The following TPD52L2 variants were observed in gnomAD, a reference collection of about 807,000 sequenced individuals.
TPD52L2 encodes tumor protein D54.
Under a neutral mutation model 24.7 loss-of-function variants are expected in TPD52L2, and 19 were observed. The ratio of observed to expected loss-of-function variants is 0.77; its 90% confidence interval spans 0.54 to 1.13. The LOEUF (loss-of-function observed/expected upper bound fraction) is 1.13. Ranked by LOEUF, TPD52L2 falls within the 50% of genes most tolerant of loss-of-function variation. The pLI, the probability that TPD52L2 is intolerant of heterozygous loss-of-function variation, is 0.00. For synonymous variants in TPD52L2, 104 were observed against 100.2 expected (o/e 1.04, Z -0.23); for missense variants, 236 against 250.4 (o/e 0.94, Z 0.39).
intron 1 of TPD52L2, among the ~76,000 whole-genome samples, chr20:63,867,695 CT>C (rs755978259): frequency 3.3e-5 from 5 of 151,904 alleles, no homozygotes; most frequent in Non-Finnish European, 7.4e-5. Flanking sequence ...ATGCAGCCAG[CT>C]TTTAAGAAGA....
At chr20:63,867,025 C>A (rs1426169246) in intron 1 of TPD52L2, among the ~76,000 whole-genome samples, 2 of 151,160 alleles carry the variant, frequency 1.3e-5, no homozygotes, top group South Asian at 4.2e-4. Flanking sequence ...GCGATCATGG[C>A]TTCCCGCAAC....
At chr20:63,868,948 AG>A (rs2146176896) in intron 1 of TPD52L2, among the ~76,000 whole-genome samples, 1 of 152,128 alleles carries the variant, frequency 6.6e-6, no homozygotes, top group East Asian at 1.9e-4. Context: ...CAAAAAAAAA[AG>A]GTGGAAGGTC....
At position 63,874,228 on chromosome 20, in the gene TPD52L2, T is replaced by TTGTGTGTGTGTGTG. The variant is rs547406712; in HGVS notation, c.314+428_314+441dup. ...CACCGCGCCCGGCTGATTTTTTTTT[T>TTGTGTGTGTGTGTG]TGTGTGTGTGTGTGTGTGTGTGTGT... On this transcript the variant is annotated intron_variant, in intron 3 of 6. Coordinates refer to ENST00000346249, the MANE Select transcript of TPD52L2 (RefSeq NM_003288.4). 1.7e-4 allele frequency among the ~76,000 whole-genome samples: 24 copies of TTGTGTGTGTGTGTG among 139,956 alleles called. No individual in the cohort carries two copies. In the Admixed American group the frequency reaches 1.7e-3, roughly 10 times the overall value. 91.8% of individuals were successfully genotyped at this position (139,956 alleles called of 152,430 possible). A position where few individuals can be genotyped will look rare whatever the true frequency, so the allele number is the denominator to read the frequency against.
At chr20:63,868,839 G>A (rs542564011) in intron 1 of TPD52L2, among the ~76,000 whole-genome samples, 5 of 152,270 alleles carry the variant, frequency 3.3e-5, no homozygotes, top group South Asian at 4.1e-4. Context: ...CTACTCGAAG[G>A]CTGAGACAGG....
At chr20:63,865,551 G>C (rs1336847207) in intron 1 of TPD52L2, among the ~76,000 whole-genome samples, 167 bp downstream of exon 1, 1 of 151,990 alleles carries the variant, frequency 6.6e-6, no homozygotes, top group Non-Finnish European at 1.5e-5. Context: ...TATGATGGTC[G>C]TGGTGTGTTT....
rs1473948992 is a variant in TPD52L2, at chr20:63,887,425, G to T, written c.477-1765G>T. The T allele has an allele frequency of 1.8e-5, 17 of 963,404 alleles. No individual in the cohort carries two copies. The African/African-American group carries it at 2.6e-4, about 14-fold the overall frequency. 59.7% of individuals were successfully genotyped at this position (963,404 alleles called of 1,614,324 possible). A position where few individuals can be genotyped will look rare whatever the true frequency, so the allele number is the denominator to read the frequency against. On this transcript the variant is annotated intron_variant, in intron 5 of 6. Coordinates refer to ENST00000346249, the MANE Select transcript of TPD52L2 (RefSeq NM_003288.4). ...GTCGAGTTTCCTTCGGGGGCATTGTGTGGAGGGGCAGGCAGCTCGCTCCAA... is the reference window on the plus strand; with the variant it reads ...GTCGAGTTTCCTTCGGGGGCATTGTTTGGAGGGGCAGGCAGCTCGCTCCAA...
At chr20:63,884,726 G>C (rs2053032274) in intron 5 of TPD52L2, among the ~76,000 whole-genome samples, 1 of 152,194 alleles carries the variant, frequency 6.6e-6, no homozygotes, top group Admixed American at 6.5e-5. Flanking sequence ...AGTGACGCTG[G>C]CACAGCTGTC....
chr20:63,884,261 C>T (rs76057319), intron 5 of TPD52L2, among the ~76,000 whole-genome samples: 8,112 of 152,232 alleles, frequency 0.053, 294 homozygotes, highest in Non-Finnish European at 0.078. Flanking sequence ...GCTTTGGACC[C>T]AGGAGGGACC....
intron 1 of TPD52L2, among the ~76,000 whole-genome samples, chr20:63,867,563 TAA>T (rs777112231): frequency 1.3e-4 from 18 of 137,002 alleles, no homozygotes; most frequent in African/African-American, 1.3e-4. Flanking sequence ...AAGACTCGTC[TAA>T]AAAAAAAAAA....
chr20:63,887,435 A>T, intron 5 of TPD52L2: 1 of 1,018,050 alleles, frequency 9.8e-7, no homozygotes, highest in Non-Finnish European at 1.5e-6. Flanking sequence ...GTGGAGGGGC[A>T]GGCAGCTCGC....
intron 4 of TPD52L2, among the ~76,000 whole-genome samples, chr20:63,881,943 C>T (rs145020045): frequency 6.8e-4 from 104 of 152,344 alleles, no homozygotes; most frequent in African/African-American, 2.2e-3. Context: ...GCCTGTCCTG[C>T]AGACGCCAAG....
rs1164261089 is a variant in TPD52L2 at position 63,882,759 on chromosome 20, A to G, written c.415A>G (p.Lys139Glu). Residue 139 changes from lysine to glutamate, a missense_variant, in exon 5 of 7, where the codon AAG (lysine) becomes GAG (glutamate). Physicochemically the swap from Lys to Glu is moderately conservative, Grantham distance 56. Transcript: ENST00000346249. ...GGAAACTCTTTCACAGGCAGGACAG[A>G]AGACTTCAGCTGCCCTGTCCACAGT... ...TQETLSQAGQ[K>E]TSAALSTVGS... The G allele has an allele frequency of 1.2e-6, 2 of 1,614,038 alleles. No homozygotes were observed. The highest frequency in any genetic ancestry group is 1.7e-6 in the Non-Finnish European group (2 of 1,180,010).
rs553611898 is a variant in TPD52L2 at position 63,887,753 on chromosome 20, G to A, written c.477-1437G>A. The A allele has an allele frequency of 1.9e-3, 1,513 of 787,320 alleles. 36 individuals carry two copies. The South Asian group carries it at 0.023, about 12-fold the overall frequency. The allele number at this position is 787,320 out of a possible 1,614,324, so 48.8% of individuals were successfully genotyped here. A position where few individuals can be genotyped will look rare whatever the true frequency, so the allele number is the denominator to read the frequency against. On this transcript the variant is annotated intron_variant, in intron 5 of 6. Coordinates refer to ENST00000346249, the MANE Select transcript of TPD52L2 (RefSeq NM_003288.4). Reference sequence around the variant, plus strand: ...TGGCAACCTCTGATGACTAAGGGCCGGTAAAAACCCCCTCTAGGCTGACGA... The same window carrying A: ...TGGCAACCTCTGATGACTAAGGGCCAGTAAAAACCCCCTCTAGGCTGACGA...
intron 2 of TPD52L2, among the ~76,000 whole-genome samples, chr20:63,870,359 T>G (rs886905087): frequency 6.6e-6 from 1 of 152,106 alleles, no homozygotes; most frequent in Admixed American, 6.6e-5. Context: ...GGACCAGGTT[T>G]CAGATCCTGA....
At chr20:63,886,178 C>T (rs2053088651) in intron 5 of TPD52L2, 2 of 863,848 alleles carry the variant, frequency 2.3e-6, no homozygotes, top group African/African-American at 1.7e-5. Flanking sequence ...ACAGCAGTGC[C>T]AGCCAGGTGG....
rs762590514 is a variant in TPD52L2, at chr20:63,882,834, C to T, written c.476+14C>T. The T allele has an allele frequency of 3.8e-6, 6 of 1,596,068 alleles. No individual in the cohort carries two copies. The Admixed American group carries it at 1.0e-4, about 27-fold the overall frequency. ...TGGAGACATGAGGTGAGACGCAACC[C>T]TGACTCTGCTGCCCTGAGACCTGGC... On this transcript the variant is annotated intron_variant, in intron 5 of 6. Transcript: ENST00000346249.
chr20:63,882,794 C>A lies in TPD52L2; in HGVS notation c.450C>A (p.Ala150=). 6.2e-7 allele frequency: 1 copy of A among 1,613,330 alleles called. No homozygotes were observed. Among genetic ancestry groups the A allele is most frequent in the Non-Finnish European group, 8.5e-7 (1 of 1,179,574 alleles). The part of the protein sequence containing the change: ...TSAALSTVGS[A]ISRKLGDMRN... Reference sequence around the variant, plus strand: ...CTGCCCTGTCCACAGTGGGCTCTGCCATCAGCAGGAAGCTTGGAGACATGA... The same window carrying A: ...CTGCCCTGTCCACAGTGGGCTCTGCAATCAGCAGGAAGCTTGGAGACATGA... The change falls in exon 5 of 7, where the codon GCC becomes GCA. Residue 150 remains alanine (A), a synonymous_variant. Coordinates refer to ENST00000346249, the MANE Select transcript of TPD52L2 (RefSeq NM_003288.4).
chr20:63,868,374 A>T (rs1457749384), intron 1 of TPD52L2, among the ~76,000 whole-genome samples: 1 of 152,252 alleles, frequency 6.6e-6, no homozygotes, highest in Non-Finnish European at 1.5e-5. Flanking sequence ...AAGAAAAAAC[A>T]GTGGCTGCAG....
intron 6 of TPD52L2, 38 bp downstream of exon 6, chr20:63,889,276 T>G (rs1274802681): frequency 6.4e-7 from 1 of 1,570,380 alleles, no homozygotes; most frequent in Admixed American, 1.7e-5. Context: ...CTTGGCAAGG[T>G]GTGACCTGTT....
Sources: allele counts gnomAD v4.1 joint callset (sites outside exome capture counted in the v4.1 genomes callset), GRCh38; gene constraint gnomAD v4.1.1; transcripts MANE v1.5; gene names NCBI Gene and HGNC (gene_info 2026-07-23, HGNC 2026-07-21).